The following SVEP1 variants were observed in gnomAD, a reference collection of about 807,000 sequenced individuals.
SVEP1 encodes sushi, von Willebrand factor type A, EGF and pentraxin domain-containing protein 1.
SVEP1 carries 164 observed loss-of-function variants against 367.3 expected under a neutral mutation model. The ratio of observed to expected loss-of-function variants is 0.45; its 90% CI spans 0.39 to 0.51. The LOEUF (loss-of-function observed/expected upper bound fraction) is 0.51, where lower values mean the gene tolerates loss of function less well. Among genes scored for constraint, SVEP1 ranks in the 20% least tolerant of loss-of-function variants. The pLI, the probability that SVEP1 is intolerant of heterozygous loss-of-function variation, is 0.00. For synonymous variants in SVEP1, 1,666 were observed against 1,611.6 expected, an observed-to-expected ratio of 1.03 and a Z score of -0.81; for missense variants, 4,117 against 4,425.3, an observed-to-expected ratio of 0.93 and a Z score of 1.98.
At chr9:110,575,918 T>C (rs903167529) in intron 1 of SVEP1, among the ~76,000 whole-genome samples, 1 of 152,142 alleles carries the variant, frequency 6.6e-6, no homozygotes, top group African/African-American at 2.4e-5. Context: ...GGAAATGCAA[T>C]TTAAAATGGG....
At chr9:110,429,607 G>C (rs1564140306) in intron 34 of SVEP1, among the ~76,000 whole-genome samples, 1 of 152,056 alleles carries the variant, frequency 6.6e-6, no homozygotes, top group African/African-American at 2.4e-5. Context: ...CTTGGCTTGA[G>C]AGTGGTGTGG....
In SVEP1 at chr9:110,490,979, T is replaced by C. The variant is rs564263083; in HGVS notation, c.1801-1200A>G. The stretch of plus-strand genomic sequence containing the variant: ...GATTAGAAAGCTACTCATGAAATGA[T>C]TTGATAAGCATCCAAAAATATTTGA... On this transcript the variant is annotated intron_variant, in intron 8 of 47. Coordinates refer to ENST00000374469, the MANE Select transcript of SVEP1 (RefSeq NM_153366.4). 2.6e-5 allele frequency among the ~76,000 whole-genome samples: 4 copies of C among 152,132 alleles called. No individual in the cohort carries two copies. The East Asian group carries it at 5.8e-4, about 22-fold the overall frequency.
At chr9:110,416,122 C>A (rs979068182) in intron 36 of SVEP1, among the ~76,000 whole-genome samples, 2 of 151,850 alleles carry the variant, frequency 1.3e-5, no homozygotes, top group Non-Finnish European at 1.5e-5. Flanking sequence ...TATAAGGGCA[C>A]AATCTGAATT....
chr9:110,512,902 A>G, intron 5 of SVEP1, 24 bp downstream of exon 5: 1 of 1,613,528 alleles, frequency 6.2e-7, no homozygotes, highest in African/African-American at 1.3e-5. Flanking sequence ...GTAAATAAAC[A>G]ATGTAAATTG....
intron 24 of SVEP1, 98 bp downstream of exon 24, chr9:110,449,957 ATGAC>A: frequency 7.5e-7 from 1 of 1,337,164 alleles, no homozygotes; most frequent in South Asian, 1.4e-5. Context: ...GCATTTGAGA[ATGAC>A]TGACTTGAGA....
rs202217766 is a variant in SVEP1 at position 110,406,625 on chromosome 9, T to C, written c.8975A>G (p.Asn2992Ser). 2.1e-5 allele frequency: 34 copies of C among 1,613,832 alleles called. No homozygotes were observed. The highest frequency in any genetic ancestry group is 6.7e-5 in the African/African-American group (5 of 74,922). ...HGNSSRRCLS[N>S]GSWSGSSPSC... ...AGGTGAGCTGCCACTCCAGGAGCCA[T>C]TGGAGAGGCACCTTCTTGATGAATT... The change falls in exon 38 of 48, where the codon AAT becomes AGT. Residue 2992 changes from asparagine to serine, a missense_variant. Around this residue, in one of 4 missense-constraint regions of SVEP1, gnomAD observed 1,765 missense variants for 1,781.1 expected, o/e 0.99. Transcript: ENST00000374469.
chr9:110,457,022 A>T (rs1172842422), intron 21 of SVEP1, among the ~76,000 whole-genome samples: 1 of 152,158 alleles, frequency 6.6e-6, no homozygotes, highest in Non-Finnish European at 1.5e-5. Context: ...TATGACAAAG[A>T]CTCATAGGGA....
rs1288152358 is a variant in SVEP1 at position 110,390,336 on chromosome 9, C to CTTAT, written c.9823-750_9823-749insATAA. Among the ~76,000 whole-genome samples, 5 of 22,996 alleles carry CTTAT rather than the reference C, an allele frequency of 2.2e-4. 1 individual carries two copies. Among genetic ancestry groups the CTTAT allele is most frequent in the Admixed American group, 1.7e-3 (3 of 1,768 alleles). The allele number at this position is 22,996 out of a possible 152,430, so 15.1% of individuals were successfully genotyped here. A position where few individuals can be genotyped will look rare whatever the true frequency, so the allele number is the denominator to read the frequency against. On this transcript the variant is annotated intron_variant, in intron 40 of 47. Coordinates refer to ENST00000374469, the MANE Select transcript of SVEP1 (RefSeq NM_153366.4). ...ATGTGTATATATACTTATATATACACATACTTATATACACTTATATATATA... is the reference window on the plus strand; with the variant it reads ...ATGTGTATATATACTTATATATACACTTATATACTTATATACACTTATATATATA...
chr9:110,472,864 C>A (rs1290355649), intron 14 of SVEP1, among the ~76,000 whole-genome samples: 1 of 152,150 alleles, frequency 6.6e-6, no homozygotes, highest in Non-Finnish European at 1.5e-5. Context: ...CTGGAGGCAA[C>A]AAGGGTACAT....
Position 110,451,370 on chromosome 9 carries a change from T to C in SVEP1, c.3820A>G (p.Ser1274Gly), listed in dbSNP as rs1250126408. Residue 1274 changes from serine to glycine, a missense_variant, in exon 23 of 48, where the codon AGC becomes GGC. Ser to Gly is a moderately conservative substitution (Grantham distance 56). This residue lies in a region of SVEP1 where 2,174 missense variants were observed against 2,494.3 expected (regional missense o/e 0.87). Transcript: ENST00000374469. ...QRCEENINECSSSPCLNKGIC... is the reference protein window; with the variant it reads ...QRCEENINECGSSPCLNKGIC... The stretch of plus-strand genomic sequence containing the variant: ...CCTTTATTTAAACAAGGACTGGAGC[T>C]ACACTCATTTATATTTTCTTCACAC... 12 of 1,613,570 alleles carry C rather than the reference T, an allele frequency of 7.4e-6. No individual in the cohort carries two copies. In the Middle Eastern group the frequency reaches 4.9e-4, roughly 66 times the overall value.
In SVEP1 at chr9:110,469,053, T is replaced by A. The variant is rs771967561; in HGVS notation, c.3047A>T (p.Glu1016Val). Reference sequence around the variant, plus strand: ...TTGATAGGATCCGATCCGGCAGCTTTCACAGGTGAAATGTTCCAGATTATA... The same window carrying A: ...TTGATAGGATCCGATCCGGCAGCTTACACAGGTGAAATGTTCCAGATTATA... ...TYYNLEHFTCESCRIGSYQDE... is the reference protein window; with the variant it reads ...TYYNLEHFTCVSCRIGSYQDE... The change falls in exon 17 of 48, where the codon GAA becomes GTA. Residue 1016 changes from glutamate to valine, a missense_variant. By Grantham distance (121) the Glu-to-Val change is moderately radical. Around this residue, in one of 4 missense-constraint regions of SVEP1, gnomAD observed 2,174 missense variants for 2,494.3 expected, o/e 0.87. Coordinates refer to ENST00000374469, the MANE Select transcript of SVEP1 (RefSeq NM_153366.4). 19 of 1,613,736 alleles carry A rather than the reference T, an allele frequency of 1.2e-5. No individual in the cohort carries two copies. The African/African-American group carries it at 2.3e-4, about 19-fold the overall frequency.
chr9:110,465,671 C>T (rs932446050), intron 18 of SVEP1, among the ~76,000 whole-genome samples, 194 bp downstream of exon 18: 1 of 152,078 alleles, frequency 6.6e-6, no homozygotes, highest in African/African-American at 2.4e-5. Flanking sequence ...GGTGTTTACA[C>T]GGCAGGTATT....
At chr9:110,388,886 T>G (rs1019567131) in intron 41 of SVEP1, among the ~76,000 whole-genome samples, 9 of 152,158 alleles carry the variant, frequency 5.9e-5, no homozygotes, top group African/African-American at 2.2e-4. Context: ...TGAGAGTCCC[T>G]TGAGCCCGGG....
chr9:110,528,156 G>GTGTGTGTGTGTGTATATATA, intron 3 of SVEP1, among the ~76,000 whole-genome samples: 21 of 33,944 alleles, frequency 6.2e-4, no homozygotes, highest in Non-Finnish European at 1.1e-3. Flanking sequence ...GTGTGTGTGT[G>GTGTGTGTGTGTGTATATATA]TATATATATA....
At chr9:110,429,783 G>C (rs895224085) in intron 34 of SVEP1, 137 bp downstream of exon 34, 7 of 670,860 alleles carry the variant, frequency 1.0e-5, no homozygotes, top group Non-Finnish European at 1.8e-5. Flanking sequence ...TTCACACTAT[G>C]TATCATTCGA....
chr9:110,513,922 C>A (rs764532668), intron 4 of SVEP1, 26 bp downstream of exon 4: 3 of 1,596,256 alleles, frequency 1.9e-6, no homozygotes, highest in African/African-American at 2.7e-5. Flanking sequence ...TTTATATTTC[C>A]CATTTTCCAA....
At chr9:110,390,322 T>TAC (rs1461286377) in intron 40 of SVEP1, among the ~76,000 whole-genome samples, 1 of 113,934 alleles carries the variant, frequency 8.8e-6, no homozygotes, top group Non-Finnish European at 1.8e-5. Flanking sequence ...TGTGTATATA[T>TAC]ACTTATATAT....
chr9:110,483,977 A>G (rs899911285), intron 9 of SVEP1, among the ~76,000 whole-genome samples: 1 of 152,182 alleles, frequency 6.6e-6, no homozygotes, highest in Admixed American at 6.5e-5. Context: ...TGTGGTGGGC[A>G]TTTGAATTGT....
At position 110,387,451 on chromosome 9, in the gene SVEP1, C is replaced by G; in HGVS notation, c.9894G>C (p.Arg3298Ser). The G allele has an allele frequency of 2.5e-6, 4 of 1,601,790 alleles. No homozygotes were observed. In the South Asian group the frequency reaches 3.4e-5, roughly 14 times the overall value. The change falls in exon 42 of 48, where the codon AGG (arginine) becomes AGC (serine). Residue 3298 changes from arginine (R) to serine (S), a missense_variant. Arg to Ser is a moderately radical substitution (Grantham distance 110, BLOSUM62 -1). Around this residue, in one of 4 missense-constraint regions of SVEP1, gnomAD observed 1,765 missense variants for 1,781.1 expected, o/e 0.99. Transcript: ENST00000374469. ...SGGVAICKET[R>S]CETPLEFLNG... The stretch of plus-strand genomic sequence containing the variant: ...TGAGAAATTCAAGTGGAGTTTCACA[C>G]CTGGTCTCTAAAAACAAGAATAAAA...
Sources: gnomAD v4.1 joint callset for allele counts (sites outside exome capture counted in the v4.1 genomes callset) on GRCh38, gnomAD v4.1.1 for gene constraint, gnomAD v4.1.1 regional missense constraint, MANE v1.5 for transcripts, NCBI Gene and HGNC (gene_info 2026-07-23, HGNC 2026-07-21) for gene names.